The following SLC4A11 variants were observed in gnomAD, a reference collection of about 807,000 sequenced individuals.
SLC4A11 encodes bicarbonate transporter related protein 1.
In SLC4A11, 74 loss-of-function variants were observed where a neutral mutation model predicts 95.0. The observed-to-expected ratio is 0.78, with a 90% CI of 0.65 to 0.95. SLC4A11 has a LOEUF of 0.95. SLC4A11 is among the 40% of genes least tolerant of loss of function. SLC4A11 has a pLI of 0.00. For missense variants in SLC4A11, 1,081 were observed against 1,192.4 expected (o/e 0.91, Z 1.38); for synonymous variants, 548 against 519.0 (o/e 1.06, Z -0.76).
intron 7 of SLC4A11, among the ~76,000 whole-genome samples, chr20:3,232,286 T>C (rs1248831394): frequency 6.6e-6 from 1 of 152,240 alleles, no homozygotes. Flanking sequence ...CCGTGAACCA[T>C]GAACTCACGA....
In SLC4A11 at chr20:3,231,744, C is replaced by T. The variant is rs957240825; in HGVS notation, c.730-196G>A. 1.3e-5 allele frequency among the ~76,000 whole-genome samples: 2 copies of T among 152,186 alleles called. No homozygotes were observed. Among genetic ancestry groups the T allele is most frequent in the Non-Finnish European group, 1.5e-5 (1 of 68,024 alleles). On this transcript the variant is annotated intron_variant, in intron 7 of 19. Coordinates refer to ENST00000642402, the MANE Select transcript of SLC4A11 (RefSeq NM_001174089.2). This position sits in a 1 kb window ranked among gnomAD's most constrained non-coding sequence, Gnocchi z 5.2. The stretch of plus-strand genomic sequence containing the variant: ...CACGGCTTATCGTAGCCTCGACCTC[C>T]CGGGCTCAAGTGATTCTCCCACATC...
intron 2 of SLC4A11, among the ~76,000 whole-genome samples, chr20:3,236,572 G>C (rs564070699): frequency 1.7e-4 from 25 of 147,620 alleles, no homozygotes; most frequent in African/African-American, 6.1e-4. Flanking sequence ...CTGGGCGACA[G>C]AGCGAGACTC....
At chr20:3,238,505 T>A (rs2068061319) in intron 1 of SLC4A11, 1 of 997,154 alleles carries the variant, frequency 1.0e-6, no homozygotes. Flanking sequence ...CACACTCCGC[T>A]TCCGTCCCGG....
chr20:3,237,693 C>T, intron 1 of SLC4A11, 105 bp from the exon 2 acceptor site: 1 of 1,614,098 alleles, frequency 6.2e-7, no homozygotes, highest in Non-Finnish European at 8.5e-7. Flanking sequence ...TTCGCTCTTC[C>T]GAGGGATGCA....
intron 1 of SLC4A11, chr20:3,238,828 G>T: frequency 8.4e-7 from 1 of 1,187,490 alleles, no homozygotes. Flanking sequence ...TCGACCCGCT[G>T]CATCAGCTGT....
rs200459526 is a variant in SLC4A11 at position 3,228,900 on chromosome 20, C to T, written c.2130G>A (p.Pro710=). 44 of 1,613,848 alleles carry T rather than the reference C, an allele frequency of 2.7e-5. No homozygotes were observed. Among genetic ancestry groups the T allele is most frequent in the Middle Eastern group, 1.6e-4 (1 of 6,084 alleles). ...CTAAGGCCAGGGCTCGCACGTGCAG[C>T]GGGGAGTGGGGGTAGGCGGCATGGA... ...PWIHAAYPHS[P]LHVRALALVE... The change falls in exon 17 of 20, where the codon CCG becomes CCA. Residue 710 remains proline (P), a synonymous_variant. Transcript: ENST00000642402.
At chr20:3,229,887 CTGCCGACG>C in intron 13 of SLC4A11, 111 bp from the exon 14 acceptor site, 1 of 1,465,930 alleles carries the variant, frequency 6.8e-7, no homozygotes, top group East Asian at 2.3e-5. Flanking sequence ...TGAGGGGACC[CTGCCGACG>C]TGCCCATGCA....
chr20:3,237,192 G>C (rs1176606647), intron 2 of SLC4A11, among the ~76,000 whole-genome samples: 2 of 151,190 alleles, frequency 1.3e-5, no homozygotes, highest in South Asian at 2.1e-4. Context: ...AAGAGACAAC[G>C]ACAGATATTC....
In SLC4A11 at chr20:3,235,307, TCTCACA is replaced by T. The variant is rs750182261; in HGVS notation, c.89-419_89-414del. Reference sequence around the variant, plus strand: ...CTCTCTCTCTCTCTCTCTCTCTCTCTCTCACACACACACACACACACACACACACAC... The same window carrying T: ...CTCTCTCTCTCTCTCTCTCTCTCTCTCACACACACACACACACACACACAC... On this transcript the variant is annotated intron_variant, in intron 2 of 19. Coordinates refer to ENST00000642402, the MANE Select transcript of SLC4A11 (RefSeq NM_001174089.2). Among the ~76,000 whole-genome samples the T allele has an allele frequency of 6.6e-3, 731 of 110,872 alleles. 5 individuals are homozygous for T. The highest frequency in any genetic ancestry group is 0.022 in the Middle Eastern group (5 of 230). The allele number at this position is 110,872 out of a possible 152,430, so 72.7% of individuals were successfully genotyped here. A position where few individuals can be genotyped will look rare whatever the true frequency, so the allele number is the denominator to read the frequency against.
chr20:3,233,668 G>T, intron 6 of SLC4A11, 31 bp from the exon 7 acceptor site: 3 of 1,609,100 alleles, frequency 1.9e-6, no homozygotes, highest in African/African-American at 2.7e-5. Flanking sequence ...ACAGTGCACA[G>T]TTGCACCCCA....
Position 3,228,834 on chromosome 20 carries a change from T to G in SLC4A11, c.2192+4A>C, listed in dbSNP as rs767869087. On this transcript the variant is annotated splice_donor_region_variant and intron_variant, in intron 17 of 19. Coordinates refer to ENST00000642402, the MANE Select transcript of SLC4A11 (RefSeq NM_001174089.2). ...TCCACGGCTCTTGCCAGCCTCACAC[T>G]CACGTGTCATAGATGTGTCCGTTCT... The G allele has an allele frequency of 6.2e-7, 1 of 1,613,618 alleles. No homozygotes were observed. The highest frequency in any genetic ancestry group is 8.5e-7 in the Non-Finnish European group (1 of 1,179,994).
chr20:3,237,787 C>A (rs2068031268), intron 1 of SLC4A11, 199 bp from the exon 2 acceptor site: 1 of 1,605,770 alleles, frequency 6.2e-7, no homozygotes, highest in Non-Finnish European at 8.5e-7. Context: ...GCCTTAATCT[C>A]AGAAATTCAA....
At position 3,234,824 on chromosome 20, in the gene SLC4A11, G is replaced by T. The variant is rs1258835514; in HGVS notation, c.159C>A (p.Asp53Glu). ...CAGACACGATGGAGGAGTTGGCAGT[G>T]TCGAAGGCCTCATCCCCCAGGATCT... ...REEILGDEAF[D>E]TANSSIVSGE... Residue 53 changes from aspartate (D) to glutamate (E), a missense_variant, in exon 3 of 20, where the codon GAC becomes GAA. Asp to Glu is a conservative substitution (Grantham distance 45, BLOSUM62 2). Coordinates refer to ENST00000642402, the MANE Select transcript of SLC4A11 (RefSeq NM_001174089.2). The surrounding 1 kb of genome is among the most constrained non-coding windows in gnomAD (Gnocchi z 5.8). 6.2e-7 allele frequency: 1 copy of T among 1,613,950 alleles called. No individual in the cohort carries two copies. Among genetic ancestry groups the T allele is most frequent in the Non-Finnish European group, 8.5e-7 (1 of 1,180,026 alleles).
At chr20:3,238,766 G>A in intron 1 of SLC4A11, 12 of 1,110,310 alleles carry the variant, frequency 1.1e-5, no homozygotes, top group Non-Finnish European at 1.3e-5. Flanking sequence ...TCGGCGCTCG[G>A]GGCGCTGGGA....
chr20:3,228,530 G>A lies in SLC4A11; in HGVS notation c.2370C>T (p.Ala790=), dbSNP rs183825927. ...CGCTCACCTGCTCCTTGAGCAGCAG[G>A]GCCACGCGCTGGACGAGCTGGTTGC... ...LDGNQLVQRV[A]LLLKEQTAYP... The change falls in exon 18 of 20, where the codon GCC becomes GCT. Residue 790 remains alanine (A), a synonymous_variant. Coordinates refer to ENST00000642402, the MANE Select transcript of SLC4A11 (RefSeq NM_001174089.2). 17 of 1,613,106 alleles carry A rather than the reference G, an allele frequency of 1.1e-5. No homozygotes were observed. The highest frequency in any genetic ancestry group is 2.2e-5 in the East Asian group (1 of 44,878).
intron 12 of SLC4A11, 90 bp from the exon 13 acceptor site, chr20:3,230,350 TC>T (rs1430793120): frequency 3.2e-6 from 5 of 1,568,922 alleles, no homozygotes; most frequent in Admixed American, 1.7e-5. Context: ...GTCCCCTGCC[TC>T]CCCCTGCCAG....
In SLC4A11 at chr20:3,231,357, G is replaced by A. The variant is rs2122557359; in HGVS notation, c.921C>T (p.Val307=). Residue 307 remains valine, a synonymous_variant, in exon 8 of 20, where the codon GTC becomes GTT. Coordinates refer to ENST00000642402, the MANE Select transcript of SLC4A11 (RefSeq NM_001174089.2). This position sits in a 1 kb window ranked among gnomAD's most constrained non-coding sequence, Gnocchi z 5.2. ...VAPRTKERST[V]SLPAHRHPEP... ...CTGGGTGTCTGTGGGCAGGGAGGGA[G>A]ACTGTGCTGCGTTCCTTCGTTCTCG... is the stretch of plus-strand genomic sequence containing the variant. 1.2e-6 allele frequency: 2 copies of A among 1,614,060 alleles called. No homozygotes were observed. Among genetic ancestry groups the A allele is most frequent in the East Asian group, 2.2e-5 (1 of 44,866 alleles).
In SLC4A11 at chr20:3,230,557, T is replaced by C. The variant is rs774338610; in HGVS notation, c.1373A>G (p.Tyr458Cys). The change falls in exon 12 of 20, where the codon TAT becomes TGT. Residue 458 changes from tyrosine (Y) to cysteine (C), a missense_variant. Tyr to Cys is a radical substitution (Grantham distance 194, BLOSUM62 -2). This residue lies in a region of SLC4A11 where 767 missense variants were observed against 858.0 expected (regional missense o/e 0.89). Transcript: ENST00000642402. ...GACCAGGCTGAGGTTGAAAAAGGCA[T>C]AAAGCGCAAGGAAGAAACTATTCCA... ...GLWNSFFLAL[Y>C]AFFNLSLVMS... The C allele has an allele frequency of 1.9e-6, 3 of 1,613,758 alleles. No homozygotes were observed. In the African/African-American group the frequency reaches 4.0e-5, roughly 22 times the overall value.
In SLC4A11 at chr20:3,227,663, G is replaced by A. The variant is rs1186017197; in HGVS notation, c.*124C>T. ...CAATGCCCAGATGCCCCAGGCCTGA[G>A]TCAGCCATGAGAAGGCGCAGCACAG... On this transcript the variant is annotated 3_prime_UTR_variant, in exon 20 of 20. Coordinates refer to ENST00000642402, the MANE Select transcript of SLC4A11 (RefSeq NM_001174089.2). The A allele has an allele frequency of 2.9e-6, 3 of 1,018,562 alleles. No homozygotes were observed. The highest frequency in any genetic ancestry group is 4.5e-6 in the Non-Finnish European group (3 of 673,332). 63.1% of individuals were successfully genotyped at this position (1,018,562 alleles called of 1,614,324 possible).
Sources: gnomAD v4.1 joint callset for allele counts (sites outside exome capture counted in the v4.1 genomes callset) on GRCh38, gnomAD v4.1.1 for gene constraint, gnomAD v4.1.1 regional missense constraint, Gnocchi (gnomAD v3.1) non-coding constraint, MANE v1.5 for transcripts, NCBI Gene and HGNC (gene_info 2026-07-23, HGNC 2026-07-21) for gene names.